Variants in MBOAT7 observed in about 807,000 individuals in gnomAD.
MBOAT7 encodes membrane bound acylglycerophosphatidylinositol O-acyltransferase MBOAT7.
MBOAT7 carries 40 observed loss-of-function variants against 47.4 expected under a neutral mutation model. The observed-to-expected ratio is 0.84, with a 90% CI of 0.66 to 1.10. The LOEUF (loss-of-function observed/expected upper bound fraction) is 1.10. MBOAT7 is among the 50% of genes least tolerant of loss of function. MBOAT7 has a pLI of 0.00. For synonymous variants in MBOAT7, 361 were observed against 292.0 expected, an observed-to-expected ratio of 1.24 and a Z score of -2.41; for missense variants, 680 against 655.6, an observed-to-expected ratio of 1.04 and a Z score of -0.41.
intron 3 of MBOAT7, 44 bp from the exon 4 acceptor site, chr19:54,187,331 C>T (rs369051308): frequency 2.3e-5 from 35 of 1,548,298 alleles, no homozygotes; most frequent in African/African-American, 8.2e-5. Flanking sequence ...ACAGAAGTCT[C>T]GGCCTTGGCC....
chr19:54,181,687 G>A (rs553826302), intron 5 of MBOAT7, among the ~76,000 whole-genome samples: 8 of 106,012 alleles, frequency 7.5e-5, no homozygotes, highest in African/African-American at 2.1e-4. Context: ...GGGAAGGAAG[G>A]AGGGAGGGAA....
At chr19:54,188,063 A>AAG (rs1568827418) in intron 3 of MBOAT7, among the ~76,000 whole-genome samples, 154 bp downstream of exon 3, 1 of 57,358 alleles carries the variant, frequency 1.7e-5, no homozygotes, top group African/African-American at 4.7e-5. Context: ...GAAAGAAAGA[A>AAG]AGAAAGACAA....
Position 54,174,304 on chromosome 19 carries a change from G to A in MBOAT7, c.1159C>T (p.Leu387=). 6.2e-7 allele frequency: 1 copy of A among 1,613,176 alleles called. No individual in the cohort carries two copies. The highest frequency in any genetic ancestry group is 8.5e-7 in the Non-Finnish European group (1 of 1,179,510). ...CAGGCCTTCTGGCCCCCTGGGCTCA[G>A]CCGCCCCCGCAGGGCTGACTCCAGC... is the stretch of plus-strand genomic sequence containing the variant. ...GRLESALRGR[L]SPGGQKAWDW... is the part of the protein sequence containing the mutation. Residue 387 remains leucine (L), a synonymous_variant, in exon 8 of 8, where the codon CTG becomes TTG. Coordinates refer to ENST00000245615, the MANE Select transcript of MBOAT7 (RefSeq NM_024298.5).
intron 7 of MBOAT7, chr19:54,178,350 A>G: frequency 9.2e-7 from 1 of 1,084,300 alleles, no homozygotes; most frequent in Non-Finnish European, 1.1e-6. Context: ...AATACATTTC[A>G]CATTTTATCA....
At chr19:54,183,401 A>C in intron 5 of MBOAT7, 120 bp downstream of exon 5, 1 of 1,194,284 alleles carries the variant, frequency 8.4e-7, no homozygotes, top group Non-Finnish European at 1.2e-6. Flanking sequence ...GCCCACCCTC[A>C]CAGCAGCAGA....
At chr19:54,179,055 T>G in intron 6 of MBOAT7, 114 bp from the exon 7 acceptor site, 10 of 1,397,106 alleles carry the variant, frequency 7.2e-6, no homozygotes, top group Non-Finnish European at 3.8e-6. Context: ...GGCCAGGCAA[T>G]GGCCCTCTGG....
In MBOAT7 at chr19:54,187,349, C is replaced by T. The variant is rs374880866; in HGVS notation, c.207-62G>A. On this transcript the variant is annotated intron_variant, in intron 3 of 7. Transcript: ENST00000245615. ...GAAGTCTCGGCCTTGGCCACTCACT[C>T]CACGAGTCCAGCCACCAATCCTCCC... 9 of 1,501,474 alleles carry T rather than the reference C, an allele frequency of 6.0e-6. No individual in the cohort carries two copies. The African/African-American group carries it at 9.7e-5, about 16-fold the overall frequency. The allele number at this position is 1,501,474 out of a possible 1,614,324, so 93.0% of individuals were successfully genotyped here. A position where few individuals can be genotyped will look rare whatever the true frequency, so the allele number is the denominator to read the frequency against.
At position 54,187,182 on chromosome 19, in the gene MBOAT7, G is replaced by A. The variant is rs1600676212; in HGVS notation, c.312C>T (p.Val104=). The A allele has an allele frequency of 6.3e-7, 1 of 1,582,340 alleles. No homozygotes were observed. ...LPTPTPFTNA[V]QLLLTLKLVS... ...TGACCTTCAGCGTCAGCAGCAGCTG[G>A]ACGGCATTGGTGAAGGGCGTGGGAG... Residue 104 remains valine (V), a synonymous_variant, in exon 4 of 8, where the codon GTC becomes GTT. Transcript: ENST00000245615.
At chr19:54,179,364 C>T (rs1021861897) in intron 6 of MBOAT7, 4 of 197,360 alleles carry the variant, frequency 2.0e-5, no homozygotes, top group Admixed American at 1.6e-4. Flanking sequence ...AGGTGCTTCA[C>T]GGTTGCTAGG....
chr19:54,174,809 C>T (rs536317361), intron 7 of MBOAT7, among the ~76,000 whole-genome samples: 69 of 152,248 alleles, frequency 4.5e-4, no homozygotes, highest in South Asian at 1.0e-3. Flanking sequence ...CTCCGGAAGG[C>T]GGAGGAGGCT....
At chr19:54,184,941 G>T (rs943643492) in intron 4 of MBOAT7, among the ~76,000 whole-genome samples, 50 of 149,896 alleles carry the variant, frequency 3.3e-4, no homozygotes, top group African/African-American at 1.2e-3. Context: ...CAGGTGTGAC[G>T]GCTCACACCT....
intron 7 of MBOAT7, among the ~76,000 whole-genome samples, chr19:54,175,010 C>G (rs1162162787): frequency 2.9e-5 from 4 of 139,818 alleles, no homozygotes; most frequent in South Asian, 5.1e-4. Context: ...GAGTCTCGCT[C>G]TGTCGCCCAG....
chr19:54,175,019 A>T (rs916354968), intron 7 of MBOAT7, among the ~76,000 whole-genome samples: 14 of 129,884 alleles, frequency 1.1e-4, no homozygotes, highest in Non-Finnish European at 1.7e-4. Flanking sequence ...TCTGTCGCCC[A>T]GGCTAGAGTG....
chr19:54,189,489 C>T lies in MBOAT7; in HGVS notation c.-155G>A, dbSNP rs890777693. The T allele has an allele frequency of 6.6e-6, 1 of 152,570 alleles. No homozygotes were observed. Among genetic ancestry groups the T allele is most frequent in the South Asian group, 2.0e-4 (1 of 4,958 alleles). 9.5% of individuals were successfully genotyped at this position (152,570 alleles called of 1,614,324 possible). ...GCGCAGATCAGGCCGGGGAAGAAGC[C>T]ACGGTCAGGGCCCCGGGCGGGCAGG... On this transcript the variant is annotated 5_prime_UTR_variant, in exon 1 of 8. Transcript: ENST00000245615.
At chr19:54,184,052 CCCA>C (rs1305100987) in intron 4 of MBOAT7, among the ~76,000 whole-genome samples, 2 of 152,246 alleles carry the variant, frequency 1.3e-5, no homozygotes, top group East Asian at 1.9e-4. Flanking sequence ...TGTTACCCAC[CCCA>C]CAAGGTAGAC....
In MBOAT7 at chr19:54,181,132, G is replaced by C. The variant is rs2076259961; in HGVS notation, c.495C>G (p.Gly165=). ...YSYCYVGIMT[G]PFFRYRTYLD... is the part of the protein sequence containing the mutation. The stretch of plus-strand genomic sequence containing the variant: ...GGTAGGTGCGGTAGCGGAAGAACGG[G>C]CCTGTGGGGCGGGGAGGGAGGGCCG... The change falls in exon 6 of 8, where the codon GGC becomes GGG. Residue 165 remains glycine, a splice_region_variant and synonymous_variant. Transcript: ENST00000245615. 1.4e-6 allele frequency: 2 copies of C among 1,467,334 alleles called. No homozygotes were observed. The highest frequency in any genetic ancestry group is 2.8e-5 in the African/African-American group (2 of 70,458). 90.9% of individuals were successfully genotyped at this position (1,467,334 alleles called of 1,614,324 possible).
intron 7 of MBOAT7, among the ~76,000 whole-genome samples, chr19:54,176,730 A>C (rs1341215087): frequency 2.0e-5 from 3 of 151,824 alleles, no homozygotes; most frequent in African/African-American, 7.3e-5. Context: ...GGGTGCTTTG[A>C]CCTGGCCTCA....
In MBOAT7 at chr19:54,180,684, C is replaced by T. The variant is rs1207938653; in HGVS notation, c.854+89G>A. 7.8e-6 allele frequency: 10 copies of T among 1,288,260 alleles called. No individual in the cohort carries two copies. The East Asian group carries it at 2.6e-4, about 33-fold the overall frequency. 79.8% of individuals were successfully genotyped at this position (1,288,260 alleles called of 1,614,324 possible). On this transcript the variant is annotated intron_variant, in intron 6 of 7. Transcript: ENST00000245615. The surrounding 1 kb of genome is among the most constrained non-coding windows in gnomAD (Gnocchi z 5.2). ...AAAAGGTGGTGGCCCTGGCCCCTTG[C>T]TCCCCGCTCTCCTCCCGGCTAGGGG...
intron 7 of MBOAT7, among the ~76,000 whole-genome samples, chr19:54,175,280 C>G (rs148123152): frequency 6.0e-4 from 92 of 152,284 alleles, no homozygotes; most frequent in Non-Finnish European, 1.0e-3. Flanking sequence ...ACCCGGGCAG[C>G]CCGGTGGTTC....
Sources: gnomAD v4.1 joint callset for allele counts (sites outside exome capture counted in the v4.1 genomes callset) on GRCh38, gnomAD v4.1.1 for gene constraint, Gnocchi (gnomAD v3.1) non-coding constraint, MANE v1.5 for transcripts, NCBI Gene and HGNC (gene_info 2026-07-23, HGNC 2026-07-21) for gene names.